GPM6B: variants seen among roughly 807,000 people sequenced by gnomAD.
GPM6B encodes glycoprotein M6B.
GPM6B carries 4 observed loss-of-function variants against 27.2 expected under a neutral mutation model. The ratio of observed to expected loss-of-function variants is 0.15; its 90% CI spans 0.07 to 0.34. The LOEUF (loss-of-function observed/expected upper bound fraction) is 0.34. GPM6B is among the 10% of genes least tolerant of loss of function. GPM6B has a pLI of 1.00. For synonymous variants in GPM6B, 124 were observed against 103.1 expected (o/e 1.20, Z -1.23); for missense variants, 183 against 261.9 (o/e 0.70, Z 2.08).
intron 1 of GPM6B, among the ~76,000 whole-genome samples, chrX:13,876,774 C>A (rs1011046965): frequency 9.1e-6 from 1 of 109,933 alleles, no homozygotes; most frequent in Non-Finnish European, 1.9e-5. Context: ...TCGGTGGAAC[C>A]CAGCCTCCAT....
intron 1 of GPM6B, among the ~76,000 whole-genome samples, chrX:13,808,404 A>C (rs1218807267): frequency 8.9e-6 from 1 of 112,326 alleles, no homozygotes; most frequent in Non-Finnish European, 1.9e-5. Flanking sequence ...CCACTGCTTA[A>C]TTACACACAT....
At chrX:13,856,595 A>G (rs2049782315) in intron 1 of GPM6B, among the ~76,000 whole-genome samples, 1 of 112,534 alleles carries the variant, frequency 8.9e-6, no homozygotes, top group African/African-American at 3.2e-5. Flanking sequence ...CACGGATTTA[A>G]TCGCTTAAAA....
intron 1 of GPM6B, among the ~76,000 whole-genome samples, chrX:13,933,982 C>T (rs749360972): frequency 1.8e-5 from 2 of 111,103 alleles, no homozygotes; most frequent in African/African-American, 6.5e-5. Context: ...GTTTAGGCTA[C>T]ATAAGTGGCA....
chrX:13,826,191 G>A (rs1037964855), intron 1 of GPM6B, among the ~76,000 whole-genome samples: 4 of 110,777 alleles, frequency 3.6e-5, no homozygotes, highest in African/African-American at 1.3e-4. Context: ...AGTGAGGTAG[G>A]TGGATTGCCC....
intron 2 of GPM6B, among the ~76,000 whole-genome samples, chrX:13,795,985 G>A (rs1249075655): frequency 1.8e-5 from 2 of 110,460 alleles, no homozygotes; most frequent in African/African-American, 3.3e-5. Context: ...GGAGTGCAAT[G>A]GTGCCAGCTC....
In GPM6B at chrX:13,928,616, G is replaced by A. The variant is rs140168181; in HGVS notation, c.-198+9711C>T. Among the ~76,000 whole-genome samples the A allele has an allele frequency of 5.3e-3, 593 of 112,543 alleles. 2 individuals are homozygous for A. The highest frequency in any genetic ancestry group is 0.014 in the Middle Eastern group (3 of 217). ...TTATCTTAAGAGCTTGACTTACATT[G>A]CTAATTACATTTCCATTCTTTGCCC... On this transcript the variant is annotated intron_variant, in intron 1 of 6. Coordinates refer to the GPM6B transcript ENST00000398361.
intron 1 of GPM6B, among the ~76,000 whole-genome samples, chrX:13,876,625 G>C (rs1210617363): frequency 9.0e-6 from 1 of 111,557 alleles, no homozygotes; most frequent in Non-Finnish European, 1.9e-5. Context: ...GGTCAATGGT[G>C]GTCTGGAACA....
chrX:13,929,975 T>TCAAC (rs1921403421), intron 1 of GPM6B, among the ~76,000 whole-genome samples: 1 of 111,942 alleles, frequency 8.9e-6, no homozygotes, highest in Non-Finnish European at 1.9e-5. Flanking sequence ...AATACTAAGC[T>TCAAC]CAACTCAAGA....
chrX:13,896,474 G>C (rs1376511223), intron 1 of GPM6B, among the ~76,000 whole-genome samples: 3 of 110,875 alleles, frequency 2.7e-5, no homozygotes, highest in Non-Finnish European at 5.7e-5. Flanking sequence ...ACTTTTTAAT[G>C]CAAGAATTAA....
At chrX:13,862,203 AAAC>A (rs962954818) in intron 1 of GPM6B, among the ~76,000 whole-genome samples, 7 of 111,491 alleles carry the variant, frequency 6.3e-5, no homozygotes, top group African/African-American at 2.0e-4. Context: ...CTACAACAAA[AAAC>A]AACAACAACA....
chrX:13,790,141 A>T (rs1172664518), intron 2 of GPM6B, among the ~76,000 whole-genome samples: 1 of 112,329 alleles, frequency 8.9e-6, no homozygotes, highest in Non-Finnish European at 1.9e-5. Flanking sequence ...GGTGTGAGCC[A>T]CCATGCCTGG....
In GPM6B at chrX:13,922,292, C is replaced by G. The variant is rs140851124; in HGVS notation, c.-198+16035G>C. On this transcript the variant is annotated intron_variant, in intron 1 of 6. Coordinates refer to the GPM6B transcript ENST00000398361. ...CTCCACCCACTAGATGCCAGGAGCA[C>G]CTCCCCATCCCCCGAATCTGTAACA... Among the ~76,000 whole-genome samples, 100 of 111,228 alleles carry G rather than the reference C, an allele frequency of 9.0e-4. 1 individual carries two copies. Among genetic ancestry groups the G allele is most frequent in the African/African-American group, 2.9e-3 (89 of 30,525 alleles).
upstream of GPM6B, among the ~76,000 whole-genome samples, chrX:13,819,290 C>G (rs775252816): frequency 2.7e-5 from 3 of 112,274 alleles, no homozygotes; most frequent in African/African-American, 9.7e-5. Context: ...CTCAAGATCT[C>G]ACTGATGTTT....
At chrX:13,843,197 G>T (rs776471263) in intron 1 of GPM6B, among the ~76,000 whole-genome samples, 1 of 112,096 alleles carries the variant, frequency 8.9e-6, no homozygotes, top group East Asian at 2.8e-4. Flanking sequence ...TGGACACATG[G>T]ATATGTAGTC....
chrX:13,779,807 G>C lies in GPM6B; in HGVS notation c.697+11C>G. ...AAATAACTGGGGGAGGGGTGAATTA[G>C]AAGGAAGTACCGTATTGTCGGATAT... On this transcript the variant is annotated intron_variant, in intron 5 of 7. Transcript: ENST00000316715. 2 of 1,148,266 alleles carry C rather than the reference G, an allele frequency of 1.7e-6. No individual in the cohort carries two copies. The highest frequency in any genetic ancestry group is 2.3e-6 in the Non-Finnish European group (2 of 852,435). 94.6% of individuals were successfully genotyped at this position (1,148,266 alleles called of 1,213,427 possible).
Position 13,774,653 on chromosome X carries a change from A to G in GPM6B, c.837+1585T>C, listed in dbSNP as rs1283433225. The G allele has an allele frequency of 2.7e-6, 3 of 1,114,208 alleles. No homozygotes were observed. In the Admixed American group the frequency reaches 6.6e-5, roughly 24 times the overall value. The allele number at this position is 1,114,208 out of a possible 1,213,427, so 91.8% of individuals were successfully genotyped here. ...GTGGAAGAGAACAAAACAGGACAGT[A>G]AGATACAGGCAGTGAGGGCCGATGC... is the stretch of plus-strand genomic sequence containing the variant. On this transcript the variant is annotated intron_variant, in intron 7 of 7. Transcript: ENST00000316715.
At chrX:13,853,831 G>A (rs1195833659) in intron 1 of GPM6B, among the ~76,000 whole-genome samples, 6 of 111,167 alleles carry the variant, frequency 5.4e-5, no homozygotes, top group African/African-American at 2.0e-4. Context: ...CAGGAAGGAA[G>A]GAAAGGTGTT....
chrX:13,813,800 G>A (rs1437968416), intron 1 of GPM6B, among the ~76,000 whole-genome samples: 1 of 111,748 alleles, frequency 8.9e-6, no homozygotes, highest in African/African-American at 3.2e-5. Flanking sequence ...CTTATTCCAT[G>A]TCAGTGAATC....
intron 1 of GPM6B, among the ~76,000 whole-genome samples, chrX:13,848,174 A>T (rs936795384): frequency 8.9e-6 from 1 of 111,844 alleles, no homozygotes; most frequent in African/African-American, 3.3e-5. Flanking sequence ...TGACTGGTCA[A>T]TATGGGTGCA....
Sources: allele counts gnomAD v4.1 joint callset (sites outside exome capture counted in the v4.1 genomes callset), GRCh38; gene constraint gnomAD v4.1.1; transcripts MANE v1.5; gene names NCBI Gene and HGNC (gene_info 2026-07-23, HGNC 2026-07-21).